Variants in CAP2 observed in about 807,000 individuals in gnomAD.
The protein encoded by CAP2 is adenylyl cyclase-associated protein 2.
Under a neutral mutation model 57.7 loss-of-function variants are expected in CAP2, and 24 were observed. The ratio of observed to expected loss-of-function variants is 0.42; its 90% CI spans 0.30 to 0.58. CAP2 has a LOEUF of 0.58. Among genes scored for constraint, CAP2 ranks in the 20% least tolerant of loss-of-function variants. The probability of loss-of-function intolerance (pLI) is 0.22; values close to 1 mark genes in which losing one functional copy is unlikely to be tolerated. For missense variants in CAP2, 501 were observed against 590.3 expected (o/e 0.85, Z 1.57); for synonymous variants, 194 against 207.2 (o/e 0.94, Z 0.55).
At chr6:17,453,104 TC>T (rs773351064) in intron 3 of CAP2, among the ~76,000 whole-genome samples, 1 of 152,234 alleles carries the variant, frequency 6.6e-6, no homozygotes, top group Non-Finnish European at 1.5e-5. Flanking sequence ...ACCATGTTGT[TC>T]CATTCATTCT....
chr6:17,454,723 C>T (rs1760509554), intron 3 of CAP2, among the ~76,000 whole-genome samples: 1 of 152,186 alleles, frequency 6.6e-6, no homozygotes, highest in African/African-American at 2.4e-5. Context: ...TTCAAAAGAA[C>T]ATTGGCTTGA....
At chr6:17,525,377 G>A (rs574522819) in intron 7 of CAP2, among the ~76,000 whole-genome samples, 8 of 151,942 alleles carry the variant, frequency 5.3e-5, no homozygotes, top group East Asian at 3.9e-4. Context: ...CCTGCGAGGC[G>A]GTTGAACCTG....
intron 4 of CAP2, among the ~76,000 whole-genome samples, chr6:17,496,535 A>C (rs1175554288): frequency 6.6e-6 from 1 of 151,584 alleles, no homozygotes; most frequent in Admixed American, 6.6e-5. Context: ...TCTATTGCCC[A>C]GGCTGGTCTC....
chr6:17,402,818 G>C (rs905453774), intron 1 of CAP2, among the ~76,000 whole-genome samples: 12 of 152,164 alleles, frequency 7.9e-5, no homozygotes, highest in Admixed American at 5.2e-4. Context: ...TTGTAAAATA[G>C]CTTAGTCAAA....
At chr6:17,405,079 C>G (rs187282770) in intron 1 of CAP2, among the ~76,000 whole-genome samples, 2 of 152,024 alleles carry the variant, frequency 1.3e-5, no homozygotes, top group Non-Finnish European at 2.9e-5. Flanking sequence ...ACATAGCTAC[C>G]GTGATAAAGT....
chr6:17,402,432 GAGAC>G (rs1451434629), intron 1 of CAP2, among the ~76,000 whole-genome samples: 1 of 152,196 alleles, frequency 6.6e-6, no homozygotes, highest in African/African-American at 2.4e-5. Context: ...TGCCTGAGCA[GAGAC>G]CCTTTTGCAA....
rs1421084735 is a variant in CAP2, at chr6:17,435,728, AAAAAC to A, written c.222+9043_222+9047del. 1.3e-3 allele frequency among the ~76,000 whole-genome samples: 184 copies of A among 141,962 alleles called. 1 individual carries two copies. Among genetic ancestry groups the A allele is most frequent in the African/African-American group, 5.1e-3 (170 of 33,498 alleles). The allele number at this position is 141,962 out of a possible 152,430, so 93.1% of individuals were successfully genotyped here. On this transcript the variant is annotated intron_variant, in intron 3 of 12. Transcript: ENST00000229922. ...AAGAAGTTTACGGATAAAAAAAAAAAAAAACAAAAAAAAAACAATATATTCTAGAG... is the reference window on the plus strand; with the variant it reads ...AAGAAGTTTACGGATAAAAAAAAAAAAAAAAAAAAACAATATATTCTAGAG...
intron 1 of CAP2, among the ~76,000 whole-genome samples, chr6:17,418,660 A>G (rs189478891): frequency 6.7e-6 from 1 of 148,252 alleles, no homozygotes; most frequent in Admixed American, 6.6e-5. Context: ...GCTTGCTAAC[A>G]AAGCAAACAT....
At chr6:17,399,721 C>T (rs1256826154) in intron 1 of CAP2, among the ~76,000 whole-genome samples, 1 of 152,134 alleles carries the variant, frequency 6.6e-6, no homozygotes, top group Admixed American at 6.5e-5. Flanking sequence ...TTTGATGTTC[C>T]TGTTAGCCCT....
intron 1 of CAP2, among the ~76,000 whole-genome samples, chr6:17,410,153 G>A (rs544160254): frequency 2.0e-5 from 3 of 152,134 alleles, no homozygotes; most frequent in South Asian, 4.2e-4. Context: ...CATAACTTTG[G>A]TAGCCTCTCT....
intron 3 of CAP2, among the ~76,000 whole-genome samples, chr6:17,436,123 C>CCT (rs1561782736): frequency 1.2e-4 from 8 of 65,846 alleles, no homozygotes; most frequent in Non-Finnish European, 2.7e-4. Context: ...CCTTCCTTCC[C>CCT]TCCTTCCTTC....
At position 17,435,731 on chromosome 6, in the gene CAP2, A is replaced by C. The variant is rs1486892656; in HGVS notation, c.222+9041A>C. Among the ~76,000 whole-genome samples the C allele has an allele frequency of 6.3e-4, 86 of 135,462 alleles. 3 individuals carry two copies. Among genetic ancestry groups the C allele is most frequent in the Middle Eastern group, 3.5e-3 (1 of 284 alleles). 88.9% of individuals were successfully genotyped at this position (135,462 alleles called of 152,430 possible). The stretch of plus-strand genomic sequence containing the variant: ...AAGTTTACGGATAAAAAAAAAAAAA[A>C]ACAAAAAAAAAACAATATATTCTAG... On this transcript the variant is annotated intron_variant, in intron 3 of 12. Coordinates refer to ENST00000229922, the MANE Select transcript of CAP2 (RefSeq NM_006366.3).
chr6:17,521,023 G>C (rs530371381), intron 7 of CAP2, among the ~76,000 whole-genome samples: 98 of 152,286 alleles, frequency 6.4e-4, no homozygotes, highest in African/African-American at 2.3e-3. Context: ...GTTCTACTTA[G>C]TTCAGTTTGG....
chr6:17,528,003 T>C (rs879517149), intron 7 of CAP2, among the ~76,000 whole-genome samples: 19 of 152,226 alleles, frequency 1.2e-4, no homozygotes, highest in Non-Finnish European at 2.2e-4. Context: ...ACCACCTATG[T>C]TTTTAGAAGG....
chr6:17,423,865 C>T (rs1426931581), intron 2 of CAP2, among the ~76,000 whole-genome samples: 1 of 152,158 alleles, frequency 6.6e-6, no homozygotes, highest in Non-Finnish European at 1.5e-5. Context: ...CCGTAATTTA[C>T]TATCCTACTT....
At position 17,556,985 on chromosome 6, in the gene CAP2, TAA is replaced by T. The variant is rs1763328694; in HGVS notation, c.*544_*545del. On this transcript the variant is annotated 3_prime_UTR_variant, in exon 13 of 13. Coordinates refer to ENST00000229922, the MANE Select transcript of CAP2 (RefSeq NM_006366.3). ...TTTCAACCCACGCTTGTAAAAGACA[TAA>T]GAGTTTATAAAGGACCAAATTCAGT... 1.0e-5 allele frequency: 1 copy of T among 97,368 alleles called. No individual in the cohort carries two copies. Among genetic ancestry groups the T allele is most frequent in the African/African-American group, 4.9e-5 (1 of 20,260 alleles). The allele number at this position is 97,368 out of a possible 1,614,324, so 6.0% of individuals were successfully genotyped here.
chr6:17,443,505 T>G (rs1481389876), intron 3 of CAP2, among the ~76,000 whole-genome samples: 1 of 152,164 alleles, frequency 6.6e-6, no homozygotes, highest in Admixed American at 6.5e-5. Flanking sequence ...GAATGACCTC[T>G]TTACATACTG....
At position 17,541,191 on chromosome 6, in the gene CAP2, A is replaced by G. The variant is rs112112484; in HGVS notation, c.1002+43A>G. ...ACCTTTATTTTCCTGACATGCGCCA[A>G]TGAAAGGACCAACAGCCAAACCATT... On this transcript the variant is annotated intron_variant, in intron 9 of 12. Coordinates refer to ENST00000229922, the MANE Select transcript of CAP2 (RefSeq NM_006366.3). 7.4e-6 allele frequency: 11 copies of G among 1,492,542 alleles called. No individual in the cohort carries two copies. The African/African-American group carries it at 1.1e-4, about 15-fold the overall frequency. 92.5% of individuals were successfully genotyped at this position (1,492,542 alleles called of 1,614,324 possible).
chr6:17,425,308 A>C (rs1240581200), intron 2 of CAP2, among the ~76,000 whole-genome samples: 1 of 152,196 alleles, frequency 6.6e-6, no homozygotes, highest in African/African-American at 2.4e-5. Flanking sequence ...TGCAGAGCAC[A>C]CCTGTTGGGC....
Sources: allele counts gnomAD v4.1 joint callset (sites outside exome capture counted in the v4.1 genomes callset), GRCh38; gene constraint gnomAD v4.1.1; transcripts MANE v1.5; gene names NCBI Gene and HGNC (gene_info 2026-07-23, HGNC 2026-07-21).